TBX20: variants seen among roughly 807,000 people sequenced by gnomAD.
The protein encoded by TBX20 is T-box transcription factor 20.
Under a neutral mutation model 42.9 loss-of-function variants are expected in TBX20, and 8 were observed. The observed-to-expected ratio is 0.19, with a 90% CI of 0.11 to 0.34. TBX20 has a LOEUF of 0.34. TBX20 is among the 10% of genes least tolerant of loss of function. The pLI is 1.00. For missense variants in TBX20, 411 were observed against 566.0 expected (o/e 0.73, Z 2.78); for synonymous variants, 198 against 222.8 (o/e 0.89, Z 0.99).
intron 5 of TBX20, among the ~76,000 whole-genome samples, chr7:35,233,801 C>A (rs553208240): frequency 6.6e-6 from 1 of 152,296 alleles, no homozygotes; most frequent in South Asian, 2.1e-4. Flanking sequence ...CTTTATAGTT[C>A]ATTAATATGC....
chr7:35,245,112 T>C (rs1790156120), intron 3 of TBX20, 55 bp from the exon 4 acceptor site: 1 of 1,306,590 alleles, frequency 7.7e-7, no homozygotes, highest in South Asian at 1.2e-5. Flanking sequence ...TCTGTCTCTG[T>C]AGGTTATAAA....
intron 6 of TBX20, among the ~76,000 whole-genome samples, chr7:35,211,351 T>C (rs1331775930): frequency 6.6e-6 from 1 of 152,188 alleles, no homozygotes; most frequent in Non-Finnish European, 1.5e-5. Flanking sequence ...TACATCCAGA[T>C]TGACATCTGG....
At chr7:35,252,609 ATTAAC>A (rs1290477756) in intron 1 of TBX20, among the ~76,000 whole-genome samples, 1 of 152,196 alleles carries the variant, frequency 6.6e-6, no homozygotes, top group African/African-American at 2.4e-5. Context: ...AAAAAGAAAA[ATTAAC>A]TTAAGTTTGC....
At chr7:35,213,877 CAA>C (rs59548164) in intron 6 of TBX20, among the ~76,000 whole-genome samples, 12 of 59,762 alleles carry the variant, frequency 2.0e-4, no homozygotes, top group South Asian at 7.9e-4. Context: ...GCAGAGATAG[CAA>C]AAAAAAAAAA....
intron 6 of TBX20, among the ~76,000 whole-genome samples, chr7:35,221,376 T>C (rs527447146): frequency 2.0e-5 from 3 of 151,054 alleles, no homozygotes; most frequent in Non-Finnish European, 4.4e-5. Context: ...GAATTTTCAA[T>C]TGTAAAGGCT....
Position 35,253,509 on chromosome 7 carries a change from T to C in TBX20, c.112A>G (p.Thr38Ala), listed in dbSNP as rs1424012334. 4.3e-6 allele frequency: 7 copies of C among 1,611,574 alleles called. No homozygotes were observed. The highest frequency in any genetic ancestry group is 4.2e-6 in the Non-Finnish European group (5 of 1,179,378). The change falls in exon 1 of 8, where the codon ACA becomes GCA. Residue 38 changes from threonine (T) to alanine (A), a missense_variant. Transcript: ENST00000408931. ...CCCAACTTACCCAGGGGTTTGATTG[T>C]GTTCTCCGTCGCCTCCTTCTCCTTA... is the stretch of plus-strand genomic sequence containing the variant. ...GSKEKEATEN[T>A]IKPLEQFVEK...
At chr7:35,233,272 A>G (rs1202244377) in intron 5 of TBX20, among the ~76,000 whole-genome samples, 2 of 152,258 alleles carry the variant, frequency 1.3e-5, no homozygotes, top group Admixed American at 6.5e-5. Context: ...TCCTCTATCA[A>G]TAACACTGGC....
intron 4 of TBX20, among the ~76,000 whole-genome samples, chr7:35,242,152 G>A (rs532986593): frequency 6.6e-6 from 1 of 152,140 alleles, no homozygotes; most frequent in African/African-American, 2.4e-5. Flanking sequence ...CTGGGCAAGG[G>A]GCATGAGTGT....
At chr7:35,231,900 G>C (rs528545489) in intron 5 of TBX20, among the ~76,000 whole-genome samples, 2 of 152,110 alleles carry the variant, frequency 1.3e-5, no homozygotes, top group Non-Finnish European at 2.9e-5. Context: ...GTATGTCAAA[G>C]GCTAGGGCTG....
intron 5 of TBX20, 105 bp from the exon 6 acceptor site, chr7:35,231,685 T>A (rs1789869737): frequency 1.3e-6 from 1 of 788,486 alleles, no homozygotes; most frequent in South Asian, 1.4e-5. Context: ...ATCTTAATGT[T>A]TCTCAGTGTC....
intron 6 of TBX20, among the ~76,000 whole-genome samples, chr7:35,219,851 G>A (rs1789650882): frequency 6.6e-6 from 1 of 152,172 alleles, no homozygotes; most frequent in Non-Finnish European, 1.5e-5. Context: ...AACTAATAGA[G>A]TACACTTGAG....
intron 1 of TBX20, 120 bp downstream of exon 1, chr7:35,253,368 TCCCACC>T: frequency 1.8e-6 from 2 of 1,134,658 alleles, no homozygotes; most frequent in Non-Finnish European, 2.5e-6. Context: ...GAAAAAGATC[TCCCACC>T]CGCGATGTAT....
chr7:35,226,177 A>G (rs558769206), intron 6 of TBX20, among the ~76,000 whole-genome samples: 2 of 152,268 alleles, frequency 1.3e-5, no homozygotes, highest in South Asian at 2.1e-4. Flanking sequence ...TAAAAAATCT[A>G]TAGTAAATGT....
chr7:35,241,544 G>A lies in TBX20; in HGVS notation c.655-507C>T, dbSNP rs546446425. On this transcript the variant is annotated intron_variant, in intron 4 of 7. Transcript: ENST00000408931. ...TTCTAGTCCTTTAATCCTTAGCCAGGTGATCTCATCTCCCCAATTCCTAGT... is the reference window on the plus strand; with the variant it reads ...TTCTAGTCCTTTAATCCTTAGCCAGATGATCTCATCTCCCCAATTCCTAGT... Among the ~76,000 whole-genome samples the A allele has an allele frequency of 2.6e-5, 4 of 152,268 alleles. No individual in the cohort carries two copies. In the East Asian group the frequency reaches 7.7e-4, roughly 29 times the overall value.
At chr7:35,248,606 T>C in intron 3 of TBX20, 71 bp downstream of exon 3, 2 of 1,555,914 alleles carry the variant, frequency 1.3e-6, no homozygotes, top group Non-Finnish European at 1.8e-6. Flanking sequence ...TTGCTTAAAA[T>C]TCACACAAGC....
At chr7:35,208,915 C>T (rs1789449085) in intron 6 of TBX20, among the ~76,000 whole-genome samples, 2 of 151,852 alleles carry the variant, frequency 1.3e-5, no homozygotes, top group Admixed American at 1.3e-4. Context: ...TCCTAGTTTG[C>T]TGAGAGTTTT....
At chr7:35,247,731 T>A (rs1177829491) in intron 3 of TBX20, among the ~76,000 whole-genome samples, 1 of 152,162 alleles carries the variant, frequency 6.6e-6, no homozygotes, top group South Asian at 2.1e-4. Flanking sequence ...CACAAAAAAT[T>A]AGTCATTAAA....
rs767786262 is a variant in TBX20 at position 35,248,793 on chromosome 7, C to G, written c.429G>C (p.Glu143Asp). The change falls in exon 3 of 8, where the codon GAG becomes GAC. Residue 143 changes from glutamate (E) to aspartate (D), a missense_variant. Glu to Asp is a conservative substitution (Grantham distance 45). Transcript: ENST00000408931. ...TGTCCATCAGGACTATGTACTTGGC[C>G]TCAGGATCCACCCCCGAAAAGGACA... ...IRVSFSGVDPEAKYIVLMDIV... is the reference protein window; with the variant it reads ...IRVSFSGVDPDAKYIVLMDIV... The G allele has an allele frequency of 6.2e-7, 1 of 1,614,154 alleles. No homozygotes were observed. The highest frequency in any genetic ancestry group is 1.7e-5 in the Admixed American group (1 of 60,026).
rs541865578 is a variant in TBX20 at position 35,210,062 on chromosome 7, G to A, written c.891-5480C>T. Reference sequence around the variant, plus strand: ...TTAAATTTATTGAGACTTCTTTTGCGTAGTGTATACTTGCAAAGAAGGCAT... The same window carrying A: ...TTAAATTTATTGAGACTTCTTTTGCATAGTGTATACTTGCAAAGAAGGCAT... On this transcript the variant is annotated intron_variant, in intron 6 of 7. Coordinates refer to ENST00000408931, the MANE Select transcript of TBX20 (RefSeq NM_001077653.2). 1.3e-3 allele frequency among the ~76,000 whole-genome samples: 200 copies of A among 150,860 alleles called. 1 individual carries two copies. Among genetic ancestry groups the A allele is most frequent in the Non-Finnish European group, 3.2e-4 (22 of 67,800 alleles).
Sources: allele counts gnomAD v4.1 joint callset (sites outside exome capture counted in the v4.1 genomes callset), GRCh38; gene constraint gnomAD v4.1.1; transcripts MANE v1.5; gene names NCBI Gene and HGNC (gene_info 2026-07-23, HGNC 2026-07-21).